The following CASZ1 variants were observed in gnomAD, a reference collection of about 807,000 sequenced individuals.
CASZ1 encodes the protein zinc finger protein castor homolog 1.
A neutral mutation model predicts 135.2 loss-of-function variants in CASZ1; 28 were observed. The ratio of observed to expected loss-of-function variants is 0.21; its 90% CI spans 0.15 to 0.28. CASZ1 has a LOEUF of 0.28. CASZ1 is among the 10% of genes least tolerant of loss of function. CASZ1 has a pLI of 1.00. For missense variants in CASZ1, 2,161 were observed against 2,453.3 expected (o/e 0.88, Z 2.52); for synonymous variants, 1,068 against 1,073.4 (o/e 0.99, Z 0.10).
At position 10,727,107 on chromosome 1, in the gene CASZ1, C is replaced by T. The variant is rs1403529504; in HGVS notation, c.-76-21563G>A. On this transcript the variant is annotated intron_variant, in intron 2 of 20. Transcript: ENST00000377022. This position sits in a 1 kb window ranked among gnomAD's most constrained non-coding sequence, Gnocchi z 5.3. ...GAGGGGGAGCCATGGGCGCCAATGT[C>T]AAGCCCAGCCCACCAGGGAGGGTGG... 2.0e-5 allele frequency among the ~76,000 whole-genome samples: 3 copies of T among 152,118 alleles called. No homozygotes were observed. Among genetic ancestry groups the T allele is most frequent in the Non-Finnish European group, 2.9e-5 (2 of 68,020 alleles).
At chr1:10,761,575 C>A (rs1299588850) in intron 1 of CASZ1, among the ~76,000 whole-genome samples, 3 of 152,110 alleles carry the variant, frequency 2.0e-5, no homozygotes, top group Non-Finnish European at 4.4e-5. Flanking sequence ...AAAGTTGGTG[C>A]CCTGCTACCG....
At chr1:10,668,005 C>T (rs1023693580) in intron 4 of CASZ1, among the ~76,000 whole-genome samples, 31 of 152,168 alleles carry the variant, frequency 2.0e-4, no homozygotes, top group Non-Finnish European at 3.4e-4. Flanking sequence ...CCAGCTGCCG[C>T]GCTGCCCCAG....
At chr1:10,656,087 C>CA (rs1420060584) in intron 8 of CASZ1, among the ~76,000 whole-genome samples, 1 of 152,238 alleles carries the variant, frequency 6.6e-6, no homozygotes, top group Non-Finnish European at 1.5e-5. Context: ...TGCATTGGGC[C>CA]AGGCCTTGAG....
Position 10,722,200 on chromosome 1 carries a change from T to C in CASZ1, c.-76-16656A>G, listed in dbSNP as rs376029121. Among the ~76,000 whole-genome samples the C allele has an allele frequency of 3.5e-4, 53 of 152,294 alleles. 2 individuals carry two copies. The highest frequency in any genetic ancestry group is 1.2e-3 in the African/African-American group (48 of 41,566). ...GCCATGAGGGCTCCTCAGAGGACCA[T>C]GAGGCTTCCTTTACCCCATGGCTTT... is the stretch of plus-strand genomic sequence containing the variant. On this transcript the variant is annotated intron_variant, in intron 2 of 20. Coordinates refer to ENST00000377022, the MANE Select transcript of CASZ1 (RefSeq NM_001079843.3).
At chr1:10,790,098 G>A (rs902721810) in intron 1 of CASZ1, among the ~76,000 whole-genome samples, 30 of 152,288 alleles carry the variant, frequency 2.0e-4, no homozygotes, top group African/African-American at 6.3e-4. Flanking sequence ...AGACCCACTC[G>A]CAGAGCGGCG....
intron 1 of CASZ1, among the ~76,000 whole-genome samples, chr1:10,763,279 C>T (rs1264324707): frequency 6.6e-6 from 1 of 152,182 alleles, no homozygotes; most frequent in Non-Finnish European, 1.5e-5. Flanking sequence ...AGTGAGCGTG[C>T]TTACAGAAAT....
chr1:10,689,231 G>C (rs929756917), intron 4 of CASZ1, among the ~76,000 whole-genome samples: 6 of 152,244 alleles, frequency 3.9e-5, no homozygotes, highest in African/African-American at 1.4e-4. Flanking sequence ...TTGGGGCCAA[G>C]AGCCTTTCCA....
rs982536235 is a variant in CASZ1 at position 10,788,723 on chromosome 1, G to A, written c.-234+7841C>T. Among the ~76,000 whole-genome samples, 12 of 152,198 alleles carry A rather than the reference G, an allele frequency of 7.9e-5. No homozygotes were observed. Among genetic ancestry groups the A allele is most frequent in the East Asian group, 5.8e-4 (3 of 5,154 alleles). On this transcript the variant is annotated intron_variant, in intron 1 of 20. Coordinates refer to ENST00000377022, the MANE Select transcript of CASZ1 (RefSeq NM_001079843.3). This position sits in a 1 kb window ranked among gnomAD's most constrained non-coding sequence, Gnocchi z 4.1. ...TGCCTCCTCACCCGGGAGCTGCCCC[G>A]GCCTCATCCTTGCTTTGCCTGGAAG...
intron 2 of CASZ1, among the ~76,000 whole-genome samples, chr1:10,733,370 A>G (rs1639736763): frequency 6.6e-6 from 1 of 152,196 alleles, no homozygotes. Flanking sequence ...CTCTGTGTCC[A>G]GAGACCCTGA....
intron 1 of CASZ1, among the ~76,000 whole-genome samples, chr1:10,770,931 G>A (rs1055456138): frequency 4.6e-5 from 7 of 152,208 alleles, no homozygotes; most frequent in African/African-American, 1.4e-4. Flanking sequence ...CCCCAGTCCC[G>A]CTGTCTGCCA....
At chr1:10,685,821 G>C (rs1570473534) in intron 4 of CASZ1, among the ~76,000 whole-genome samples, 1 of 152,256 alleles carries the variant, frequency 6.6e-6, no homozygotes, top group African/African-American at 2.4e-5. Flanking sequence ...AGGGCAGAGG[G>C]GCTGGGGATA....
chr1:10,689,011 G>A (rs1638681623), intron 4 of CASZ1, among the ~76,000 whole-genome samples: 1 of 152,206 alleles, frequency 6.6e-6, no homozygotes, highest in South Asian at 2.1e-4. Flanking sequence ...GGAGGAAGAG[G>A]TGGGAGCAGC....
At position 10,769,101 on chromosome 1, in the gene CASZ1, C is replaced by A. The variant is rs1259512360; in HGVS notation, c.-233-8244G>T. Among the ~76,000 whole-genome samples, 3 of 152,224 alleles carry A rather than the reference C, an allele frequency of 2.0e-5. 1 individual carries two copies. The highest frequency in any genetic ancestry group is 4.4e-5 in the Non-Finnish European group (3 of 68,040). On this transcript the variant is annotated intron_variant, in intron 1 of 20. Coordinates refer to ENST00000377022, the MANE Select transcript of CASZ1 (RefSeq NM_001079843.3). The stretch of plus-strand genomic sequence containing the variant: ...GTTGCAGTGAGCAGAGATTGTGCCA[C>A]TGCACTCCAGCCTGGGCAACAGAGC...
rs1639204058 is a variant in CASZ1 at position 10,707,624 on chromosome 1, C to T, written c.-76-2080G>A. 6.6e-6 allele frequency among the ~76,000 whole-genome samples: 1 copy of T among 152,070 alleles called. No homozygotes were observed. Among genetic ancestry groups the T allele is most frequent in the African/African-American group, 2.4e-5 (1 of 41,392 alleles). ...ACCCCACCTGCCCAGGGCAGGTGTC[C>T]TGGCTGATGGGAGCAGGGAAGCTGT... On this transcript the variant is annotated intron_variant, in intron 2 of 20. Coordinates refer to ENST00000377022, the MANE Select transcript of CASZ1 (RefSeq NM_001079843.3). The surrounding 1 kb of genome is among the most constrained non-coding windows in gnomAD (Gnocchi z 5.0).
rs1457417831 is a variant in CASZ1 at position 10,747,128 on chromosome 1, A to T, written c.-77+13573T>A. ...TTCCCCTAACGCAAGGTAAGCACACACAGACCCTTTGCCCCAGGAGGCTCC... is the reference window on the plus strand; with the variant it reads ...TTCCCCTAACGCAAGGTAAGCACACTCAGACCCTTTGCCCCAGGAGGCTCC... On this transcript the variant is annotated intron_variant, in intron 2 of 20. Transcript: ENST00000377022. This position sits in a 1 kb window ranked among gnomAD's most constrained non-coding sequence, Gnocchi z 4.3. Among the ~76,000 whole-genome samples the T allele has an allele frequency of 6.6e-6, 1 of 152,220 alleles. No individual in the cohort carries two copies. The highest frequency in any genetic ancestry group is 1.9e-4 in the East Asian group (1 of 5,204).
chr1:10,748,701 C>G (rs78384068), intron 2 of CASZ1, among the ~76,000 whole-genome samples: 2,412 of 152,254 alleles, frequency 0.016, 78 homozygotes, highest in African/African-American at 0.054. Flanking sequence ...GCTTGCTCCT[C>G]GTCTGGGGTC....
chr1:10,644,802 G>T (rs548905818), intron 18 of CASZ1, 115 bp downstream of exon 18: 1 of 1,091,834 alleles, frequency 9.2e-7, no homozygotes, highest in Non-Finnish European at 1.3e-6. Flanking sequence ...TTAACAAAAC[G>T]TGGAGCCTGC....
At chr1:10,733,575 TACCGGGCA>T (rs1639742093) in intron 2 of CASZ1, among the ~76,000 whole-genome samples, 1 of 152,156 alleles carries the variant, frequency 6.6e-6, no homozygotes, top group African/African-American at 2.4e-5. Flanking sequence ...GCAGAGAAGT[TACCGGGCA>T]ACTATAACTC....
intron 2 of CASZ1, among the ~76,000 whole-genome samples, chr1:10,746,886 A>T (rs1332656240): frequency 6.6e-6 from 1 of 152,236 alleles, no homozygotes; most frequent in Non-Finnish European, 1.5e-5. Context: ...CAAAGGATGC[A>T]CATGTCACCT....
Sources: allele counts gnomAD v4.1 joint callset (sites outside exome capture counted in the v4.1 genomes callset), GRCh38; gene constraint gnomAD v4.1.1; non-coding constraint Gnocchi (gnomAD v3.1); transcripts MANE v1.5; gene names NCBI Gene and HGNC (gene_info 2026-07-23, HGNC 2026-07-21).